NEBL: variants seen among roughly 807,000 people sequenced by gnomAD.
NEBL encodes nebulette.
Under a neutral mutation model 140.2 loss-of-function variants are expected in NEBL, and 122 were observed. The observed-to-expected ratio is 0.87, with a 90% CI of 0.75 to 1.01. The LOEUF is 1.01. Ranked by LOEUF, NEBL falls within the 50% of genes least tolerant of loss-of-function variation. The pLI is 0.00. For synonymous variants in NEBL, 436 were observed against 398.9 expected, an observed-to-expected ratio of 1.09 and a Z score of -1.11; for missense variants, 1,365 against 1,231.3, an observed-to-expected ratio of 1.11 and a Z score of -1.62.
At chr10:21,181,622 C>A (rs1841388836) in intron 3 of NEBL, among the ~76,000 whole-genome samples, 1 of 152,192 alleles carries the variant, frequency 6.6e-6, no homozygotes, top group African/African-American at 2.4e-5. Context: ...ACATCTCTGA[C>A]CTTTCCGGGT....
intron 4 of NEBL, among the ~76,000 whole-genome samples, chr10:20,936,288 G>T (rs1834479969): frequency 6.6e-6 from 1 of 152,164 alleles, no homozygotes; most frequent in South Asian, 2.1e-4. Context: ...GAATGAAACA[G>T]AATCACTTTA....
chr10:20,853,742 G>T (rs762201479), intron 9 of NEBL, among the ~76,000 whole-genome samples: 4 of 152,132 alleles, frequency 2.6e-5, no homozygotes, highest in Non-Finnish European at 4.4e-5. Flanking sequence ...GAAGAGTGGT[G>T]GGGAGAGGAG....
chr10:21,020,772 C>T (rs1008461267), intron 2 of NEBL, among the ~76,000 whole-genome samples: 2 of 152,118 alleles, frequency 1.3e-5, no homozygotes, highest in Admixed American at 6.5e-5. Context: ...CAGCTGCTCC[C>T]TCTAGTGGTT....
intron 2 of NEBL, among the ~76,000 whole-genome samples, chr10:21,140,270 C>T (rs1485379345): frequency 6.6e-6 from 1 of 152,096 alleles, no homozygotes; most frequent in African/African-American, 2.4e-5. Flanking sequence ...ATTGAGTAAA[C>T]AGTGAAAATA....
rs146016801 is a variant in NEBL, at chr10:21,271,925, A to G, written n.183-20097T>C. Among the ~76,000 whole-genome samples, 280 of 152,180 alleles carry G rather than the reference A, an allele frequency of 1.8e-3. 2 individuals carry two copies. Among genetic ancestry groups the G allele is most frequent in the African/African-American group, 6.1e-3 (255 of 41,534 alleles). ...GGTAATCACTTCATAGTGCATATAC[A>G]TATATCAAAACATCACATTGTACAT... On this transcript the variant is annotated intron_variant and non_coding_transcript_variant, in intron 1 of 8. Transcript: ENST00000675702.
intron 3 of NEBL, among the ~76,000 whole-genome samples, chr10:20,984,551 A>C (rs1837180323): frequency 6.6e-6 from 1 of 152,112 alleles, no homozygotes; most frequent in East Asian, 1.9e-4. Context: ...ACTTGTTTTA[A>C]GCCAGAACAT....
In NEBL at chr10:20,831,291, C is replaced by G; in HGVS notation, c.1576G>C (p.Asp526His). ...EMASQKQYKK[D>H]LENEIKGKGM... The stretch of plus-strand genomic sequence containing the variant: ...TTCCCTTTAATTTCATTTTCTAAGT[C>G]CTTCTTGTATTGTTTCTAAAAGAAC... Residue 526 changes from aspartate to histidine, a missense_variant, in exon 16 of 28, where the codon GAC becomes CAC. Around this residue, in one of 2 missense-constraint regions of NEBL, gnomAD observed 1,323 missense variants for 1,154.8 expected, o/e 1.15. Coordinates refer to ENST00000377122, the MANE Select transcript of NEBL (RefSeq NM_006393.3). The G allele has an allele frequency of 6.2e-7, 1 of 1,609,726 alleles. No individual in the cohort carries two copies. The highest frequency in any genetic ancestry group is 1.1e-5 in the South Asian group (1 of 90,996).
chr10:21,143,983 T>C (rs773577301), intron 2 of NEBL, among the ~76,000 whole-genome samples: 1 of 152,186 alleles, frequency 6.6e-6, no homozygotes, highest in African/African-American at 2.4e-5. Context: ...TGATGATTAT[T>C]CGAATAAGAT....
intron 2 of NEBL, among the ~76,000 whole-genome samples, chr10:21,081,301 G>A (rs1836357381): frequency 1.3e-5 from 2 of 152,206 alleles, no homozygotes; most frequent in Admixed American, 1.3e-4. Flanking sequence ...GGGAGCTCCA[G>A]CAGCTGGCAC....
intron 2 of NEBL, among the ~76,000 whole-genome samples, chr10:20,890,664 C>T (rs45578138): frequency 0.055 from 8,355 of 152,292 alleles, 334 homozygotes; most frequent in Middle Eastern, 0.12. Flanking sequence ...GCTAAACCTG[C>T]TCATCTCTTC....
chr10:21,050,064 C>T (rs1490818427), intron 2 of NEBL, among the ~76,000 whole-genome samples: 1 of 152,112 alleles, frequency 6.6e-6, no homozygotes, highest in Non-Finnish European at 1.5e-5. Flanking sequence ...TAGGTAATAT[C>T]TAAGGTCCTT....
chr10:21,136,777 C>T (rs1379155059), intron 2 of NEBL, among the ~76,000 whole-genome samples: 1 of 152,210 alleles, frequency 6.6e-6, no homozygotes, highest in African/African-American at 2.4e-5. Flanking sequence ...TTTATTCACA[C>T]AGTACATTGC....
intron 2 of NEBL, among the ~76,000 whole-genome samples, chr10:20,894,419 G>C (rs1052396407): frequency 6.6e-6 from 1 of 151,494 alleles, no homozygotes; most frequent in East Asian, 1.9e-4. Flanking sequence ...ACTGCAGTGA[G>C]CTGCAGTCAC....
intron 2 of NEBL, among the ~76,000 whole-genome samples, chr10:21,038,507 C>T (rs1461435106): frequency 6.6e-6 from 1 of 152,196 alleles, no homozygotes; most frequent in African/African-American, 2.4e-5. Flanking sequence ...TGATGGCTTA[C>T]AGCTTCATCC....
intron 2 of NEBL, chr10:21,030,881 G>T: frequency 3.7e-6 from 1 of 273,040 alleles, no homozygotes; most frequent in South Asian, 4.1e-5. Context: ...TGTACATCAT[G>T]GCACTCACCA....
intron 2 of NEBL, among the ~76,000 whole-genome samples, chr10:21,150,545 C>T (rs1429293451): frequency 6.6e-6 from 1 of 152,152 alleles, no homozygotes; most frequent in African/African-American, 2.4e-5. Flanking sequence ...CAAACATTTG[C>T]ACTGCCAAGA....
chr10:20,928,767 G>A (rs1327208206), intron 4 of NEBL, among the ~76,000 whole-genome samples: 2 of 151,992 alleles, frequency 1.3e-5, no homozygotes, highest in Admixed American at 6.6e-5. Context: ...TTGTATCACC[G>A]GTTTCTCCTA....
At chr10:21,064,567 C>T (rs1378556312) in intron 2 of NEBL, among the ~76,000 whole-genome samples, 3 of 152,150 alleles carry the variant, frequency 2.0e-5, no homozygotes, top group African/African-American at 7.2e-5. Context: ...CTGAAAGTTT[C>T]TATTAGCTTT....
At chr10:20,918,930 TA>T (rs1235604443) in intron 4 of NEBL, among the ~76,000 whole-genome samples, 2 of 152,036 alleles carry the variant, frequency 1.3e-5, no homozygotes, top group African/African-American at 4.8e-5. Context: ...AACATGATCA[TA>T]ATAAAGCGAA....
Sources: gnomAD v4.1 joint callset for allele counts (sites outside exome capture counted in the v4.1 genomes callset) on GRCh38, gnomAD v4.1.1 for gene constraint, gnomAD v4.1.1 regional missense constraint, MANE v1.5 for transcripts, NCBI Gene and HGNC (gene_info 2026-07-23, HGNC 2026-07-21) for gene names.